SCN3A: variants seen among roughly 807,000 people sequenced by gnomAD.
SCN3A encodes sodium channel protein type 3 subunit alpha.
Under a neutral mutation model 187.6 loss-of-function variants are expected in SCN3A, and 60 were observed. The observed-to-expected ratio is 0.32, with a 90% CI of 0.26 to 0.40. The LOEUF (loss-of-function observed/expected upper bound fraction) is 0.40, where lower values mean the gene tolerates loss of function less well. Ranked by LOEUF, SCN3A falls within the 10% of genes least tolerant of loss-of-function variation. The pLI, the probability that SCN3A is intolerant of heterozygous loss-of-function variation, is 1.00. For missense variants in SCN3A, 1,601 were observed against 2,428.2 expected, an observed-to-expected ratio of 0.66 and a Z score of 7.16; for synonymous variants, 788 against 829.2, an observed-to-expected ratio of 0.95 and a Z score of 0.85.
At chr2:165,156,697 C>G (rs1035002785) in intron 9 of SCN3A, among the ~76,000 whole-genome samples, 1 of 151,704 alleles carries the variant, frequency 6.6e-6, no homozygotes, top group Non-Finnish European at 1.5e-5. Context: ...TCATACATTC[C>G]ATGCCATTTT....
At chr2:165,111,484 TACACACACACACACACACAC>T (rs60417556) in intron 21 of SCN3A, among the ~76,000 whole-genome samples, 24 of 142,616 alleles carry the variant, frequency 1.7e-4, no homozygotes, top group East Asian at 6.5e-4. Context: ...GCCAGTCTGA[TACACACACACACACACACAC>T]ACACACACAC....
At position 165,095,661 on chromosome 2, in the gene SCN3A, GAAA is replaced by G. The variant is rs745432577; in HGVS notation, c.4294-16_4294-14del. 1 of 1,270,044 alleles carries G rather than the reference GAAA, an allele frequency of 7.9e-7. No homozygotes were observed. Among genetic ancestry groups the G allele is most frequent in the Admixed American group, 1.7e-5 (1 of 58,520 alleles). The allele number at this position is 1,270,044 out of a possible 1,614,324, so 78.7% of individuals were successfully genotyped here. The stretch of plus-strand genomic sequence containing the variant: ...GCTGAAGTTTAACCTAAATGATATT[GAAA>G]ATATTAAATAATATGAAAAATACTA... On this transcript the variant is annotated splice_polypyrimidine_tract_variant and intron_variant, in intron 24 of 27. Transcript: ENST00000283254.
At chr2:165,196,310 C>A (rs1211297368) in intron 1 of SCN3A, among the ~76,000 whole-genome samples, 1 of 152,054 alleles carries the variant, frequency 6.6e-6, no homozygotes, top group Non-Finnish European at 1.5e-5. Context: ...GCCAGTATTT[C>A]TTCTGTTTAT....
intron 11 of SCN3A, among the ~76,000 whole-genome samples, chr2:165,152,836 G>T (rs1175382277): frequency 6.6e-6 from 1 of 151,904 alleles, no homozygotes; most frequent in Admixed American, 6.6e-5. Flanking sequence ...CGAGTTAATG[G>T]GTGCAGCACA....
rs956539211 is a variant in SCN3A, at chr2:165,088,393, C to A, written c.*1757G>T. ...TGTTATATTTGTAATAGCTTTAGTG[C>A]AGCAGGAATTAAAAAAATAAGACTA... On this transcript the variant is annotated 3_prime_UTR_variant, in exon 28 of 28. Transcript: ENST00000283254. 1 of 152,100 alleles carries A rather than the reference C, an allele frequency of 6.6e-6. No homozygotes were observed. Among genetic ancestry groups the A allele is most frequent in the African/African-American group, 2.4e-5 (1 of 41,308 alleles). The allele number at this position is 152,100 out of a possible 1,614,324, so 9.4% of individuals were successfully genotyped here.
rs139769668 is a variant in SCN3A, at chr2:165,176,351, C to A, written c.44G>T (p.Arg15Leu). Residue 15 changes from arginine (R) to leucine (L), a missense_variant, in exon 3 of 28, where the codon CGC becomes CTC. By Grantham distance (102) the Arg-to-Leu change is moderately radical. Around this residue, in one of 11 missense-constraint regions of SCN3A, gnomAD observed 74 missense variants for 77.7 expected, o/e 0.95. Coordinates refer to ENST00000283254, the MANE Select transcript of SCN3A (RefSeq NM_006922.4). ...AGCAAGAGATTCTCTAGTAAAAAGG[C>A]GGAAGCTTTCAGGTCCTGGGGGTAC... ...LLVPPGPESF[R>L]LFTRESLAAI... is the part of the protein sequence containing the mutation. The A allele has an allele frequency of 3.7e-6, 6 of 1,613,998 alleles. No homozygotes were observed. Among genetic ancestry groups the A allele is most frequent in the Non-Finnish European group, 5.1e-6 (6 of 1,179,966 alleles).
At chr2:165,125,980 A>T (rs559058946) in intron 18 of SCN3A, among the ~76,000 whole-genome samples, 6 of 152,332 alleles carry the variant, frequency 3.9e-5, no homozygotes, top group Admixed American at 3.9e-4. Context: ...TTTCCAACTT[A>T]TTATTATACT....
intron 9 of SCN3A, 46 bp from the exon 10 acceptor site, chr2:165,155,949 C>A (rs1688997451): frequency 3.1e-6 from 5 of 1,607,798 alleles, no homozygotes; most frequent in South Asian, 1.1e-5. Context: ...GAAATTACAG[C>A]AATTTCAATT....
At chr2:165,160,906 G>T (rs2105883740) in intron 9 of SCN3A, among the ~76,000 whole-genome samples, 1 of 152,136 alleles carries the variant, frequency 6.6e-6, no homozygotes, top group East Asian at 1.9e-4. Flanking sequence ...TTCCCAAAGT[G>T]CTGGGATTAC....
chr2:165,110,281 C>A (rs1574124908), intron 21 of SCN3A, among the ~76,000 whole-genome samples: 7 of 152,086 alleles, frequency 4.6e-5, no homozygotes, highest in Admixed American at 4.6e-4. Flanking sequence ...GCATATGATC[C>A]TTTATAAGGT....
chr2:165,102,936 A>G (rs1436445231), intron 21 of SCN3A, among the ~76,000 whole-genome samples: 3 of 152,244 alleles, frequency 2.0e-5, no homozygotes, highest in South Asian at 4.1e-4. Flanking sequence ...GAGAATACTC[A>G]CTGCAGATTG....
At chr2:165,178,695 C>T (rs1020424947) in intron 2 of SCN3A, among the ~76,000 whole-genome samples, 2 of 152,180 alleles carry the variant, frequency 1.3e-5, no homozygotes, top group African/African-American at 2.4e-5. Context: ...TAATTTTGAA[C>T]AGAACTTCTG....
Position 165,138,912 on chromosome 2 carries a change from A to G in SCN3A, c.2152+564T>C, listed in dbSNP as rs185672905. Among the ~76,000 whole-genome samples the G allele has an allele frequency of 1.3e-4, 20 of 152,328 alleles. No homozygotes were observed. The East Asian group carries it at 3.3e-3, about 25-fold the overall frequency. ...TGTGATGTATGAACAAGTTTAGTGT[A>G]TAAATAGTTGCTGCCTATTCCTCTG... On this transcript the variant is annotated intron_variant, in intron 14 of 27. Transcript: ENST00000283254.
chr2:165,105,086 G>T (rs558468190), intron 21 of SCN3A, among the ~76,000 whole-genome samples: 1 of 152,284 alleles, frequency 6.6e-6, no homozygotes, highest in African/African-American at 2.4e-5. Flanking sequence ...GCATTTGGTT[G>T]CTCAAAAACA....
chr2:165,119,768 G>C (rs1036525552), intron 18 of SCN3A: 1 of 152,006 alleles, frequency 6.6e-6, no homozygotes, highest in African/African-American at 2.4e-5. Flanking sequence ...TATTGCCATA[G>C]CTGTGATACT....
chr2:165,108,587 G>A, intron 21 of SCN3A, among the ~76,000 whole-genome samples: 1 of 152,092 alleles, frequency 6.6e-6, no homozygotes, highest in East Asian at 1.9e-4. Flanking sequence ...ATCAAACGAA[G>A]TTTTTATGAG....
At chr2:165,153,820 T>C (rs1688843665) in intron 11 of SCN3A, among the ~76,000 whole-genome samples, 1 of 151,940 alleles carries the variant, frequency 6.6e-6, no homozygotes, top group African/African-American at 2.4e-5. Flanking sequence ...ATGGATTTTT[T>C]TTTCTGTCTT....
intron 21 of SCN3A, among the ~76,000 whole-genome samples, chr2:165,106,654 C>T (rs966997849): frequency 1.3e-5 from 2 of 152,154 alleles, no homozygotes; most frequent in Non-Finnish European, 2.9e-5. Flanking sequence ...GAAGATTAAA[C>T]AAATTAAGCA....
intron 9 of SCN3A, among the ~76,000 whole-genome samples, chr2:165,160,603 C>A (rs998245920): frequency 5.0e-5 from 7 of 140,418 alleles, no homozygotes; most frequent in African/African-American, 2.0e-4. Flanking sequence ...GCAATAAATT[C>A]TTTTCTTTTT....
Sources: gnomAD v4.1 joint callset for allele counts (sites outside exome capture counted in the v4.1 genomes callset) on GRCh38, gnomAD v4.1.1 for gene constraint, gnomAD v4.1.1 regional missense constraint, MANE v1.5 for transcripts, NCBI Gene and HGNC (gene_info 2026-07-23, HGNC 2026-07-21) for gene names.